FYN: variants seen among roughly 807,000 people sequenced by gnomAD.
FYN encodes the protein FYN proto-oncogene, Src family tyrosine kinase.
FYN carries 10 observed loss-of-function variants against 70.2 expected under a neutral mutation model. The ratio of observed to expected loss-of-function variants is 0.14; its 90% CI spans 0.09 to 0.24. The LOEUF is 0.24. Ranked by LOEUF, FYN falls within the 10% of genes least tolerant of loss-of-function variation. The pLI, the probability that FYN is intolerant of heterozygous loss-of-function variation, is 1.00. For synonymous variants in FYN, 236 were observed against 248.6 expected (o/e 0.95, Z 0.48); for missense variants, 319 against 673.1 (o/e 0.47, Z 5.82).
At chr6:111,721,501 C>T (rs1020389982) in intron 3 of FYN, among the ~76,000 whole-genome samples, 8 of 151,998 alleles carry the variant, frequency 5.3e-5, no homozygotes. Flanking sequence ...GCGATCTTGG[C>T]TCACTACAAC....
At chr6:111,835,298 A>C (rs1374640707) in intron 2 of FYN, among the ~76,000 whole-genome samples, 1 of 152,246 alleles carries the variant, frequency 6.6e-6, no homozygotes, top group Non-Finnish European at 1.5e-5. Context: ...CTGCATTGTA[A>C]CATGAAAACA....
intron 6 of FYN, among the ~76,000 whole-genome samples, 185 bp from the exon 7 acceptor site, chr6:111,704,287 T>C (rs867407279): frequency 2.0e-5 from 3 of 152,176 alleles, no homozygotes; most frequent in Non-Finnish European, 4.4e-5. Context: ...CTATCCCTAA[T>C]TCATCTCTTT....
intron 8 of FYN, among the ~76,000 whole-genome samples, chr6:111,700,916 C>A (rs78077038): frequency 1.3e-5 from 2 of 151,502 alleles, no homozygotes; most frequent in Non-Finnish European, 2.9e-5. Flanking sequence ...GTGATTTCTT[C>A]GCTTTCTAAC....
chr6:111,772,579 A>G (rs1000475280), intron 3 of FYN, among the ~76,000 whole-genome samples: 2 of 152,308 alleles, frequency 1.3e-5, no homozygotes, highest in Non-Finnish European at 1.5e-5. Context: ...ATGTGATATA[A>G]TATCAGGTGC....
intron 3 of FYN, among the ~76,000 whole-genome samples, chr6:111,763,466 A>G (rs1224695944): frequency 6.6e-6 from 1 of 152,216 alleles, no homozygotes; most frequent in Non-Finnish European, 1.5e-5. Context: ...CTCTCTTTGG[A>G]GCGGATATCA....
At chr6:111,808,156 G>T (rs903189809) in intron 2 of FYN, among the ~76,000 whole-genome samples, 4 of 152,150 alleles carry the variant, frequency 2.6e-5, no homozygotes, top group Non-Finnish European at 5.9e-5. Flanking sequence ...TCAGAGGTCA[G>T]TCCCTCTGGA....
At chr6:111,813,479 C>A (rs9487725) in intron 2 of FYN, among the ~76,000 whole-genome samples, 3 of 152,326 alleles carry the variant, frequency 2.0e-5, no homozygotes, top group African/African-American at 7.2e-5. Flanking sequence ...GGTCAAATCC[C>A]AATAAATGAA....
intron 2 of FYN, among the ~76,000 whole-genome samples, chr6:111,826,557 G>A (rs1432336349): frequency 6.6e-6 from 1 of 152,026 alleles, no homozygotes; most frequent in African/African-American, 2.4e-5. Context: ...GAGATTTATA[G>A]CCCCCACTCC....
intron 12 of FYN, among the ~76,000 whole-genome samples, chr6:111,675,396 T>C (rs1047853422): frequency 1.3e-5 from 2 of 152,208 alleles, no homozygotes; most frequent in African/African-American, 4.8e-5. Context: ...GGAGTCCTTT[T>C]TTTCAAAAAT....
intron 3 of FYN, among the ~76,000 whole-genome samples, chr6:111,752,408 G>C (rs1802530688): frequency 6.6e-6 from 1 of 152,238 alleles, no homozygotes; most frequent in Non-Finnish European, 1.5e-5. Flanking sequence ...TCAGTTGGAA[G>C]TTGTAGGGTG....
At chr6:111,684,269 G>T (rs1798898514) in intron 12 of FYN, among the ~76,000 whole-genome samples, 1 of 152,122 alleles carries the variant, frequency 6.6e-6, no homozygotes. Flanking sequence ...CAAAGATAAG[G>T]TTGATTAAGT....
intron 2 of FYN, among the ~76,000 whole-genome samples, chr6:111,805,889 G>A (rs1372133721): frequency 6.6e-6 from 1 of 152,220 alleles, no homozygotes; most frequent in African/African-American, 2.4e-5. Flanking sequence ...GGTGGGGGAA[G>A]CTGGGACCAC....
At chr6:111,864,434 T>C (rs761163674) in intron 1 of FYN, among the ~76,000 whole-genome samples, 26 of 152,284 alleles carry the variant, frequency 1.7e-4, no homozygotes, top group Admixed American at 5.9e-4. Flanking sequence ...GGTGTTATGT[T>C]GACAAATCAA....
At chr6:111,857,800 G>GGGCTGTGT (rs1238113328) in intron 1 of FYN, among the ~76,000 whole-genome samples, 3 of 151,478 alleles carry the variant, frequency 2.0e-5, no homozygotes, top group Non-Finnish European at 4.4e-5. Context: ...TCAAGCTGCC[G>GGGCTGTGT]GGCTGTGTCC....
rs367543109 is a variant in FYN at position 111,699,574 on chromosome 6, C to T, written c.862+530G>A. The T allele has an allele frequency of 5.0e-6, 8 of 1,614,150 alleles. No individual in the cohort carries two copies. Among genetic ancestry groups the T allele is most frequent in the East Asian group, 2.2e-5 (1 of 44,886 alleles). Reference sequence around the variant, plus strand: ...CTTCTTCTCCAGACACAACGAACGACGTGCAACTTCCCAAGCATCTTTAGC... The same window carrying T: ...CTTCTTCTCCAGACACAACGAACGATGTGCAACTTCCCAAGCATCTTTAGC... On this transcript the variant is annotated intron_variant, in intron 9 of 13. Coordinates refer to ENST00000354650, the MANE Select transcript of FYN (RefSeq NM_002037.5).
At chr6:111,836,129 A>G (rs1773177996) in intron 2 of FYN, among the ~76,000 whole-genome samples, 1 of 152,208 alleles carries the variant, frequency 6.6e-6, no homozygotes, top group African/African-American at 2.4e-5. Flanking sequence ...CCAAAGTGAA[A>G]GGTGACAAGA....
intron 12 of FYN, among the ~76,000 whole-genome samples, chr6:111,681,425 T>C (rs577810709): frequency 6.6e-6 from 1 of 152,308 alleles, no homozygotes; most frequent in Non-Finnish European, 1.5e-5. Flanking sequence ...TCTCCCAAAG[T>C]GCTGGGACTA....
intron 3 of FYN, among the ~76,000 whole-genome samples, chr6:111,753,670 G>A (rs963972260): frequency 7.9e-5 from 12 of 152,294 alleles, no homozygotes; most frequent in African/African-American, 2.9e-4. Flanking sequence ...GTACAGGACG[G>A]TGGACATGTG....
chr6:111,749,473 C>T (rs936336496), intron 3 of FYN, among the ~76,000 whole-genome samples: 2 of 152,162 alleles, frequency 1.3e-5, no homozygotes, highest in African/African-American at 4.8e-5. Flanking sequence ...GATGGAAAAA[C>T]TTAAATGCAC....
Sources: allele counts gnomAD v4.1 joint callset (sites outside exome capture counted in the v4.1 genomes callset), GRCh38; gene constraint gnomAD v4.1.1; transcripts MANE v1.5; gene names NCBI Gene and HGNC (gene_info 2026-07-23, HGNC 2026-07-21).